Variants in RAD51B observed in about 807,000 individuals in gnomAD.
RAD51B encodes the protein DNA repair protein RAD51 homolog 2.
A neutral mutation model predicts 42.2 loss-of-function variants in RAD51B; 38 were observed. The ratio of observed to expected loss-of-function variants is 0.90; its 90% CI spans 0.70 to 1.18. The LOEUF is 1.18. RAD51B is among the 50% of genes most tolerant of loss of function. The pLI is 0.00. For missense variants in RAD51B, 373 were observed against 400.7 expected (o/e 0.93, Z 0.59); for synonymous variants, 154 against 145.2 (o/e 1.06, Z -0.43).
downstream of RAD51B, among the ~76,000 whole-genome samples, chr14:68,479,323 G>C (rs1882974137): frequency 6.6e-6 from 1 of 152,166 alleles, no homozygotes; most frequent in African/African-American, 2.4e-5. Flanking sequence ...TCAGGATACA[G>C]TACTCCAAAA....
intron 10 of RAD51B, among the ~76,000 whole-genome samples, chr14:68,617,914 G>T (rs750631231): frequency 7.9e-5 from 12 of 152,294 alleles, no homozygotes; most frequent in Non-Finnish European, 1.5e-4. Flanking sequence ...AGGGATACAG[G>T]GGGAGGGTAA....
At chr14:67,912,708 G>GTTTT (rs775992140) in intron 7 of RAD51B, among the ~76,000 whole-genome samples, 1 of 143,994 alleles carries the variant, frequency 6.9e-6, no homozygotes, top group Non-Finnish European at 1.5e-5. Flanking sequence ...ACTTCTCTAA[G>GTTTT]TTTTTTTTTT....
chr14:67,937,940 G>A (rs1452950868), intron 7 of RAD51B, among the ~76,000 whole-genome samples: 1 of 151,870 alleles, frequency 6.6e-6, no homozygotes, highest in African/African-American at 2.4e-5. Context: ...ATAGTGCACC[G>A]ATGGCCTTCT....
chr14:67,914,447 A>G (rs964926214), intron 7 of RAD51B, among the ~76,000 whole-genome samples: 1 of 152,202 alleles, frequency 6.6e-6, no homozygotes, highest in African/African-American at 2.4e-5. Flanking sequence ...TCCATTGAGT[A>G]TATGTACCAC....
At chr14:68,373,442 T>A (rs1380321132) in intron 8 of RAD51B, among the ~76,000 whole-genome samples, 2 of 152,150 alleles carry the variant, frequency 1.3e-5, no homozygotes, top group African/African-American at 4.8e-5. Context: ...TATGCAGCCC[T>A]AAAAAAGTGA....
intron 7 of RAD51B, among the ~76,000 whole-genome samples, chr14:68,107,485 G>C (rs1449753694): frequency 6.6e-6 from 1 of 151,638 alleles, no homozygotes; most frequent in Non-Finnish European, 1.5e-5. Flanking sequence ...AAAATTCACT[G>C]GGATCCAGAA....
chr14:68,283,288 C>T (rs1264274189), intron 7 of RAD51B, among the ~76,000 whole-genome samples: 1 of 152,180 alleles, frequency 6.6e-6, no homozygotes, highest in East Asian at 1.9e-4. Context: ...TTCTATGGGA[C>T]TCAGTGGGCA....
chr14:68,264,591 G>A (rs2080952375), intron 7 of RAD51B, among the ~76,000 whole-genome samples: 1 of 152,158 alleles, frequency 6.6e-6, no homozygotes, highest in Admixed American at 6.5e-5. Context: ...TTTTTTAGAG[G>A]CTAGGAAAGG....
intron 9 of RAD51B, among the ~76,000 whole-genome samples, chr14:68,442,739 G>A (rs1464407655): frequency 2.0e-5 from 3 of 151,642 alleles, no homozygotes; most frequent in Non-Finnish European, 2.9e-5. Context: ...ACACCCGGCC[G>A]GTGCAGCTTT....
rs555336012 is a variant in RAD51B, at chr14:68,250,498, C to T, written c.757-41386C>T. Among the ~76,000 whole-genome samples the T allele has an allele frequency of 4.6e-5, 7 of 152,310 alleles. No individual in the cohort carries two copies. In the South Asian group the frequency reaches 1.2e-3, roughly 27 times the overall value. On this transcript the variant is annotated intron_variant, in intron 7 of 10. Transcript: ENST00000471583. ...GAAACAATCACAATTTCATCAATTC[C>T]TTTAAGTAGATGTTTTCAAATATTA...
intron 7 of RAD51B, among the ~76,000 whole-genome samples, chr14:68,262,750 A>G (rs2080914811): frequency 6.6e-6 from 1 of 152,124 alleles, no homozygotes. Flanking sequence ...TCCTGAAGCT[A>G]AGGAGTGTCC....
chr14:68,054,982 A>G (rs1220557366), intron 7 of RAD51B, among the ~76,000 whole-genome samples: 1 of 152,104 alleles, frequency 6.6e-6, no homozygotes, highest in Non-Finnish European at 1.5e-5. Context: ...TGTGGGGGGA[A>G]AATCCCCACA....
At chr14:68,492,551 CA>C (rs1884159489) in intron 10 of RAD51B, among the ~76,000 whole-genome samples, 2 of 152,210 alleles carry the variant, frequency 1.3e-5, no homozygotes. Flanking sequence ...CGAGCAAGTG[CA>C]AAAACTGCTG....
intron 7 of RAD51B, among the ~76,000 whole-genome samples, chr14:68,281,388 C>A (rs2081316898): frequency 6.6e-6 from 1 of 152,204 alleles, no homozygotes; most frequent in Non-Finnish European, 1.5e-5. Context: ...TATGCTAACT[C>A]ATTTATCCTT....
In RAD51B at chr14:68,677,359, C is replaced by T. The variant is rs555881060; in HGVS notation, c.*11+26503C>T. Among the ~76,000 whole-genome samples, 4 of 152,322 alleles carry T rather than the reference C, an allele frequency of 2.6e-5. No individual in the cohort carries two copies. The East Asian group carries it at 7.7e-4, about 29-fold the overall frequency. On this transcript the variant is annotated intron_variant, in intron 11 of 11. Transcript: ENST00000488612. Reference sequence around the variant, plus strand: ...CCTTGCGCACCCTGCTATTGCACTGCTGCTCCGGCCCGGGCCTCTTCACAT... The same window carrying T: ...CCTTGCGCACCCTGCTATTGCACTGTTGCTCCGGCCCGGGCCTCTTCACAT...
intron 7 of RAD51B, among the ~76,000 whole-genome samples, chr14:67,979,764 T>C (rs140775335): frequency 6.6e-6 from 1 of 152,316 alleles, no homozygotes; most frequent in African/African-American, 2.4e-5. Flanking sequence ...CAAGTAGATA[T>C]CAGTGTGATG....
chr14:67,893,310 A>G (rs901779399), intron 7 of RAD51B, among the ~76,000 whole-genome samples: 1 of 151,842 alleles, frequency 6.6e-6, no homozygotes, highest in African/African-American at 2.4e-5. Context: ...ATTGTTTCAA[A>G]ATAAAAAGTT....
intron 7 of RAD51B, among the ~76,000 whole-genome samples, chr14:68,075,946 C>T (rs974275703): frequency 2.0e-5 from 3 of 152,240 alleles, no homozygotes; most frequent in Admixed American, 2.0e-4. Flanking sequence ...GATGTCCTCT[C>T]CTGAGAGATG....
At chr14:68,609,625 T>G (rs541822949) in intron 10 of RAD51B, among the ~76,000 whole-genome samples, 1 of 152,304 alleles carries the variant, frequency 6.6e-6, no homozygotes, top group South Asian at 2.1e-4. Context: ...GGATCTCCAG[T>G]GCTTCCAGTG....
Sources: gnomAD v4.1 joint callset for allele counts (sites outside exome capture counted in the v4.1 genomes callset) on GRCh38, gnomAD v4.1.1 for gene constraint, MANE v1.5 for transcripts, NCBI Gene and HGNC (gene_info 2026-07-23, HGNC 2026-07-21) for gene names.